DOCK1: variants seen among roughly 807,000 people sequenced by gnomAD.
The protein encoded by DOCK1 is dedicator of cytokinesis 1.
A neutral mutation model predicts 262.7 loss-of-function variants in DOCK1; 138 were observed. The ratio of observed to expected loss-of-function variants is 0.53; its 90% CI spans 0.46 to 0.61. The LOEUF (loss-of-function observed/expected upper bound fraction) is 0.61. Ranked by LOEUF, DOCK1 falls within the 20% of genes least tolerant of loss-of-function variation. The pLI, the probability that DOCK1 is intolerant of heterozygous loss-of-function variation, is 0.00. For missense variants in DOCK1, 1,908 were observed against 2,370.7 expected (o/e 0.80, Z 4.05); for synonymous variants, 866 against 867.4 (o/e 1.00, Z 0.03).
chr10:127,279,452 C>T (rs1049132334), intron 29 of DOCK1, among the ~76,000 whole-genome samples: 3 of 152,254 alleles, frequency 2.0e-5, no homozygotes, highest in East Asian at 1.9e-4. Context: ...CTCCAGAGTC[C>T]GTGTTCTGTA....
chr10:126,923,555 C>G (rs574043540), intron 1 of DOCK1, among the ~76,000 whole-genome samples: 8 of 152,218 alleles, frequency 5.3e-5, no homozygotes, highest in Non-Finnish European at 1.0e-4. Context: ...ACCCGGGAGG[C>G]GGAGGTTGCA....
chr10:126,917,583 G>A (rs775310396), intron 1 of DOCK1, among the ~76,000 whole-genome samples: 1 of 152,194 alleles, frequency 6.6e-6, no homozygotes, highest in Non-Finnish European at 1.5e-5. Flanking sequence ...CACAGGGTCT[G>A]TGGCTGATCC....
At chr10:127,019,361 CCTAATA>C (rs2042244406) in intron 13 of DOCK1, among the ~76,000 whole-genome samples, 1 of 152,150 alleles carries the variant, frequency 6.6e-6, no homozygotes, top group Non-Finnish European at 1.5e-5. Context: ...AAATAACGTT[CCTAATA>C]ATCTGATTTG....
chr10:127,056,092 G>T (rs1170663825), intron 22 of DOCK1, among the ~76,000 whole-genome samples: 1 of 152,174 alleles, frequency 6.6e-6, no homozygotes, highest in Non-Finnish European at 1.5e-5. Flanking sequence ...TTACAACTTA[G>T]TGAGGCTCCC....
At position 127,212,990 on chromosome 10, in the gene DOCK1, A is replaced by G. The variant is rs2058049889; in HGVS notation, c.2848-35018A>G. Among the ~76,000 whole-genome samples, 3 of 152,352 alleles carry G rather than the reference A, an allele frequency of 2.0e-5. No homozygotes were observed. In the South Asian group the frequency reaches 6.2e-4, roughly 32 times the overall value. On this transcript the variant is annotated intron_variant, in intron 27 of 51. Coordinates refer to ENST00000623213, the MANE Select transcript of DOCK1 (RefSeq NM_001290223.2). ...AGTGAAGATAATACAATAAGGATGTATGAAGTCAAAGCTAATTAATCATTC... is the reference window on the plus strand; with the variant it reads ...AGTGAAGATAATACAATAAGGATGTGTGAAGTCAAAGCTAATTAATCATTC...
At chr10:127,118,404 C>A (rs2049322151) in intron 25 of DOCK1, among the ~76,000 whole-genome samples, 1 of 152,094 alleles carries the variant, frequency 6.6e-6, no homozygotes, top group Non-Finnish European at 1.5e-5. Flanking sequence ...AATTTCTTCC[C>A]TCTGACAACT....
chr10:127,361,958 G>A (rs527386931), intron 32 of DOCK1, 106 bp from the exon 33 acceptor site: 2 of 1,279,166 alleles, frequency 1.6e-6, no homozygotes, highest in Middle Eastern at 2.2e-4. Flanking sequence ...TCGGGATCCT[G>A]CTGCTCAAAG....
chr10:126,964,362 A>G (rs2037501848), intron 1 of DOCK1, among the ~76,000 whole-genome samples: 1 of 152,226 alleles, frequency 6.6e-6, no homozygotes, highest in South Asian at 2.1e-4. Context: ...AGGCTTAGGA[A>G]ATGCAAGGTA....
rs190101415 is a variant in DOCK1 at position 127,103,063 on chromosome 10, G to A, written c.2446-3168G>A. ...TGAGTCACATGGGATGCAGCCTCTT[G>A]CATATGTCTTGTTTTATTTATCACT... is the stretch of plus-strand genomic sequence containing the variant. On this transcript the variant is annotated intron_variant, in intron 23 of 51. Transcript: ENST00000623213. Among the ~76,000 whole-genome samples, 64 of 152,230 alleles carry A rather than the reference G, an allele frequency of 4.2e-4. No individual in the cohort carries two copies. In the East Asian group the frequency reaches 0.012, roughly 28 times the overall value.
intron 11 of DOCK1, among the ~76,000 whole-genome samples, chr10:127,009,255 A>AT (rs1161055799): frequency 3.9e-5 from 6 of 152,182 alleles, no homozygotes; most frequent in Non-Finnish European, 1.5e-5. Context: ...CACACTGCTG[A>AT]TTTTTGTGTC....
At chr10:127,342,071 C>CTGCTGT (rs887537818) in intron 30 of DOCK1, among the ~76,000 whole-genome samples, 7 of 151,138 alleles carry the variant, frequency 4.6e-5, no homozygotes, top group South Asian at 4.2e-4. Flanking sequence ...GTTGTTGCTG[C>CTGCTGT]TGCTGTTGCT....
At chr10:127,337,137 C>T (rs1590543842) in intron 29 of DOCK1, among the ~76,000 whole-genome samples, 1 of 152,068 alleles carries the variant, frequency 6.6e-6, no homozygotes, top group Non-Finnish European at 1.5e-5. Context: ...AGCCCCGTGT[C>T]CTTATGCATC....
intron 18 of DOCK1, among the ~76,000 whole-genome samples, chr10:127,036,689 T>G (rs540921710): frequency 2.0e-5 from 3 of 152,054 alleles, no homozygotes. Flanking sequence ...AAAGAATATC[T>G]TGGGCCAGGC....
chr10:126,910,146 T>G (rs569474459), intron 1 of DOCK1, among the ~76,000 whole-genome samples: 5 of 152,350 alleles, frequency 3.3e-5, no homozygotes, highest in Admixed American at 3.3e-4. Flanking sequence ...CATAAGTAAA[T>G]AGAAATGCAG....
At chr10:127,354,945 T>C (rs2064067332) in intron 32 of DOCK1, among the ~76,000 whole-genome samples, 1 of 152,130 alleles carries the variant, frequency 6.6e-6, no homozygotes. Context: ...AAAAGAAAAA[T>C]CCACAGAGCA....
chr10:127,023,211 A>C lies in DOCK1; in HGVS notation c.1339A>C (p.Asn447His). The C allele has an allele frequency of 6.2e-7, 1 of 1,613,730 alleles. No homozygotes were observed. Among genetic ancestry groups the C allele is most frequent in the Non-Finnish European group, 8.5e-7 (1 of 1,179,816 alleles). ...PEIIMPGDVR[N>H]DIYVTLVQGD... ...TTCTCCCCCCTCAGGTGATGTTCGA[A>C]ATGATATCTATGTAACATTAGTTCA... The change falls in exon 14 of 52, where the codon AAT (asparagine) becomes CAT (histidine). Residue 447 changes from asparagine to histidine, a missense_variant. Around this residue, in one of 9 missense-constraint regions of DOCK1, gnomAD observed 294 missense variants for 439.9 expected, o/e 0.67. Coordinates refer to ENST00000623213, the MANE Select transcript of DOCK1 (RefSeq NM_001290223.2).
At chr10:126,922,848 C>T (rs1012729197) in intron 1 of DOCK1, among the ~76,000 whole-genome samples, 1 of 152,188 alleles carries the variant, frequency 6.6e-6, no homozygotes. Flanking sequence ...CGGTGGCTCA[C>T]GCCTATAATT....
chr10:126,983,179 G>C (rs2039102052), intron 4 of DOCK1, among the ~76,000 whole-genome samples: 1 of 152,116 alleles, frequency 6.6e-6, no homozygotes, highest in Non-Finnish European at 1.5e-5. Context: ...CAATTTCCCT[G>C]CCTTTGCTTT....
intron 46 of DOCK1, among the ~76,000 whole-genome samples, chr10:127,424,684 G>A (rs941039489): frequency 3.3e-5 from 5 of 152,310 alleles, no homozygotes; most frequent in South Asian, 4.1e-4. Context: ...GGCTAGCCCC[G>A]GGGAAGCTGC....
Sources: allele counts gnomAD v4.1 joint callset (sites outside exome capture counted in the v4.1 genomes callset), GRCh38; gene constraint gnomAD v4.1.1; regional missense constraint gnomAD v4.1.1; transcripts MANE v1.5; gene names NCBI Gene and HGNC (gene_info 2026-07-23, HGNC 2026-07-21).